Variants in HMGB1 observed in about 807,000 individuals in gnomAD.
The protein encoded by HMGB1 is high mobility group protein B1.
For missense variants in HMGB1, 79 were observed against 253.5 expected, an observed-to-expected ratio of 0.31 and a Z score of 4.67; for synonymous variants, 81 against 84.0, an observed-to-expected ratio of 0.96 and a Z score of 0.19.
chr13:30,538,318 A>G (rs1003148162), intron 1 of HMGB1, among the ~76,000 whole-genome samples: 16 of 152,128 alleles, frequency 1.1e-4, no homozygotes, highest in African/African-American at 3.9e-4. Context: ...TATCAGTCAG[A>G]TTCCTTTAGT....
intron 1 of HMGB1, among the ~76,000 whole-genome samples, chr13:30,606,223 T>C (rs969540218): frequency 2.7e-4 from 41 of 152,204 alleles, no homozygotes; most frequent in African/African-American, 9.2e-4. Flanking sequence ...AGTGAATACA[T>C]TTATTACTCT....
At chr13:30,605,397 G>A (rs1950447704) in intron 1 of HMGB1, among the ~76,000 whole-genome samples, 1 of 152,198 alleles carries the variant, frequency 6.6e-6, no homozygotes, top group South Asian at 2.1e-4. Flanking sequence ...GCACTCCGAT[G>A]TTTAAAAAAG....
At chr13:30,491,977 G>T (rs1227065460) in intron 1 of HMGB1, among the ~76,000 whole-genome samples, 2 of 151,648 alleles carry the variant, frequency 1.3e-5, no homozygotes, top group Non-Finnish European at 2.9e-5. Flanking sequence ...GACCATCCTG[G>T]CTAACAAGGT....
At chr13:30,539,060 C>A (rs111515695) in intron 1 of HMGB1, among the ~76,000 whole-genome samples, 25,505 of 151,998 alleles carry the variant, frequency 0.17, 3,404 homozygotes, top group African/African-American at 0.38. Flanking sequence ...CCATGCCCAG[C>A]TAATTTTTGT....
chr13:30,541,055 C>T (rs1345718191), intron 1 of HMGB1: 1 of 152,036 alleles, frequency 6.6e-6, no homozygotes, highest in East Asian at 1.9e-4. Context: ...AAAATATGTT[C>T]ATCTAGAAAA....
intron 1 of HMGB1, among the ~76,000 whole-genome samples, chr13:30,537,653 A>C (rs912393): frequency 0.023 from 203 of 8,856 alleles, 2 homozygotes; most frequent in African/African-American, 0.13. Context: ...ATTCTTGTTC[A>C]TATATATATA....
rs1869832016 is a variant in HMGB1 at position 30,559,197 on chromosome 13, G to A, written c.-15+57474C>T. 6.6e-6 allele frequency among the ~76,000 whole-genome samples: 1 copy of A among 152,144 alleles called. No homozygotes were observed. Among genetic ancestry groups the A allele is most frequent in the Non-Finnish European group, 1.5e-5 (1 of 68,018 alleles). ...AAAATTGCCCCTGTTGAGAAGCACTGCCTTAGATCATTCCTTACCAAGGTA... is the reference window on the plus strand; with the variant it reads ...AAAATTGCCCCTGTTGAGAAGCACTACCTTAGATCATTCCTTACCAAGGTA... On this transcript the variant is annotated intron_variant, in intron 1 of 4. Coordinates refer to the HMGB1 transcript ENST00000405805. This position sits in a 1 kb window ranked among gnomAD's most constrained non-coding sequence, Gnocchi z 6.6.
chr13:30,488,000 A>G (rs987166828), intron 1 of HMGB1, among the ~76,000 whole-genome samples: 8 of 152,238 alleles, frequency 5.3e-5, no homozygotes, highest in Non-Finnish European at 1.0e-4. Context: ...AATTATTTTC[A>G]AACAAATTCT....
chr13:30,614,568 C>G (rs981052881), intron 1 of HMGB1, among the ~76,000 whole-genome samples: 7 of 152,172 alleles, frequency 4.6e-5, no homozygotes, highest in African/African-American at 1.7e-4. Flanking sequence ...TAAGGTCACA[C>G]AGCAGAAGAG....
chr13:30,563,863 T>G (rs957142312), intron 1 of HMGB1, among the ~76,000 whole-genome samples: 2 of 152,192 alleles, frequency 1.3e-5, no homozygotes, highest in Non-Finnish European at 2.9e-5. Context: ...ATGCACCCAG[T>G]TCATTTATTA....
At chr13:30,566,162 A>G (rs1006442644) in intron 1 of HMGB1, among the ~76,000 whole-genome samples, 9 of 152,156 alleles carry the variant, frequency 5.9e-5, no homozygotes, top group Admixed American at 6.5e-5. Flanking sequence ...GTGCAAAGTA[A>G]TTGTGGTTTT....
At chr13:30,588,588 A>G (rs1240138966) in intron 1 of HMGB1, among the ~76,000 whole-genome samples, 1 of 152,224 alleles carries the variant, frequency 6.6e-6, no homozygotes, top group African/African-American at 2.4e-5. Flanking sequence ...AAGTTGAGTC[A>G]AAAGAGTACA....
chr13:30,606,267 A>G (rs547180419), intron 1 of HMGB1, among the ~76,000 whole-genome samples: 2 of 152,304 alleles, frequency 1.3e-5, no homozygotes, highest in South Asian at 2.1e-4. Flanking sequence ...CAATTTCCTT[A>G]TATCTCTGCC....
Position 30,479,950 on chromosome 13 carries a change from C to G in HMGB1, c.-14-16256G>C, listed in dbSNP as rs180871531. On this transcript the variant is annotated intron_variant, in intron 1 of 4. Transcript: ENST00000405805. The stretch of plus-strand genomic sequence containing the variant: ...TCTGGCCCTCAGGGCCCTCCCTAAT[C>G]TGGCAGTTTCTCTCTTGCTTTCCCT... Among the ~76,000 whole-genome samples the G allele has an allele frequency of 7.9e-5, 12 of 152,372 alleles. No individual in the cohort carries two copies. In the East Asian group the frequency reaches 1.7e-3, roughly 22 times the overall value.
chr13:30,528,757 G>C (rs140661742), intron 1 of HMGB1, among the ~76,000 whole-genome samples: 2 of 151,964 alleles, frequency 1.3e-5, no homozygotes, highest in Non-Finnish European at 2.9e-5. Context: ...GGCCGGGCGC[G>C]GTGGCTCACT....
chr13:30,581,728 C>A (rs993317819), intron 1 of HMGB1, among the ~76,000 whole-genome samples: 1 of 152,072 alleles, frequency 6.6e-6, no homozygotes. Flanking sequence ...GCCATCTTAA[C>A]GAGGAGGGAG....
intron 1 of HMGB1, among the ~76,000 whole-genome samples, chr13:30,520,317 G>A (rs975369865): frequency 9.3e-5 from 14 of 150,850 alleles, no homozygotes; most frequent in South Asian, 8.4e-4. Flanking sequence ...GTGAGACTCC[G>A]TCTCAAAAAA....
intron 1 of HMGB1, among the ~76,000 whole-genome samples, chr13:30,503,582 AT>A (rs1426486908): frequency 6.6e-6 from 1 of 150,652 alleles, no homozygotes; most frequent in Non-Finnish European, 1.5e-5. Context: ...GATTTGTTTA[AT>A]TAGCCATCTT....
intron 1 of HMGB1, among the ~76,000 whole-genome samples, chr13:30,597,517 A>T (rs1871669039): frequency 6.6e-6 from 1 of 152,248 alleles, no homozygotes; most frequent in African/African-American, 2.4e-5. Flanking sequence ...AAACTAATAC[A>T]AATGAGCTCT....
Sources: allele counts gnomAD v4.1 joint callset (sites outside exome capture counted in the v4.1 genomes callset), GRCh38; gene constraint gnomAD v4.1.1; non-coding constraint Gnocchi (gnomAD v3.1); transcripts MANE v1.5; gene names NCBI Gene and HGNC (gene_info 2026-07-23, HGNC 2026-07-21).